The following MICAL1 variants were observed in gnomAD, a reference collection of about 807,000 sequenced individuals.
MICAL1 encodes the protein microtubule associated monooxygenase, calponin and LIM domain containing 1, also known as [F-actin]-monooxygenase MICAL1.
MICAL1 carries 95 observed loss-of-function variants against 131.8 expected under a neutral mutation model. That is an observed-to-expected ratio of 0.72 (90% CI 0.61 to 0.86). The LOEUF is 0.86. MICAL1 is among the 40% of genes least tolerant of loss of function. The probability of loss-of-function intolerance (pLI) is 0.00; values close to 1 mark genes in which losing one functional copy is unlikely to be tolerated. For missense variants in MICAL1, 1,292 were observed against 1,380.6 expected (o/e 0.94, Z 1.02); for synonymous variants, 546 against 554.2 (o/e 0.99, Z 0.21).
At chr6:109,445,893 C>G (rs748009498) in intron 19 of MICAL1, 31 bp from the exon 20 acceptor site, 16 of 1,578,740 alleles carry the variant, frequency 1.0e-5, no homozygotes, top group Non-Finnish European at 1.4e-5. Flanking sequence ...GTTCTACTGC[C>G]TCCAGCGCCT....
At chr6:109,459,415 CAA>C (rs1246010479), upstream of MICAL1, among the ~76,000 whole-genome samples, 17 of 152,170 alleles carry the variant, frequency 1.1e-4, no homozygotes, top group East Asian at 1.9e-4. Context: ...TGGATGGAGT[CAA>C]AAGATATTTC....
intron 18 of MICAL1, 137 bp from the exon 19 acceptor site, chr6:109,446,549 A>T: frequency 7.3e-7 from 1 of 1,364,080 alleles, no homozygotes; most frequent in South Asian, 1.2e-5. Flanking sequence ...AGAGAACAAG[A>T]AGTGTAAGCA....
chr6:109,452,651 A>G, intron 4 of MICAL1, 36 bp from the exon 5 acceptor site: 2 of 1,527,536 alleles, frequency 1.3e-6, no homozygotes, highest in South Asian at 2.3e-5. Flanking sequence ...AAAGGTGTAG[A>G]AGTCGTAAGA....
intron 1 of MICAL1, among the ~76,000 whole-genome samples, chr6:109,461,249 T>G (rs141134654): frequency 1.3e-5 from 2 of 152,304 alleles, no homozygotes; most frequent in African/African-American, 4.8e-5. Flanking sequence ...AATGATGATT[T>G]CCAGTTTCAT....
rs965396267 is a variant in MICAL1 at position 109,455,638 on chromosome 6, C to T, written c.-44+81G>A. On this transcript the variant is annotated intron_variant, in intron 1 of 24. Transcript: ENST00000358807. The surrounding 1 kb of genome is among the most constrained non-coding windows in gnomAD (Gnocchi z 4.7). Reference sequence around the variant, plus strand: ...GCCAGGCGTGGTTCCCGAGCGACCGCAGCTGCGTTTCCCCGGAAGCGCACC... The same window carrying T: ...GCCAGGCGTGGTTCCCGAGCGACCGTAGCTGCGTTTCCCCGGAAGCGCACC... The T allele has an allele frequency of 1.4e-5, 13 of 910,364 alleles. No homozygotes were observed. The highest frequency in any genetic ancestry group is 1.7e-5 in the Non-Finnish European group (13 of 761,090). The allele number at this position is 910,364 out of a possible 1,614,324, so 56.4% of individuals were successfully genotyped here. A position where few individuals can be genotyped will look rare whatever the true frequency, so the allele number is the denominator to read the frequency against.
intron 24 of MICAL1, 113 bp downstream of exon 24, chr6:109,444,612 T>A: frequency 7.6e-7 from 1 of 1,319,888 alleles, no homozygotes; most frequent in Non-Finnish European, 1.1e-6. Context: ...CCTCCTGAAT[T>A]GTCTCAGAGG....
At position 109,444,984 on chromosome 6, in the gene MICAL1, G is replaced by T. The variant is rs1342006133; in HGVS notation, c.2893C>A (p.Gln965Lys). The T allele has an allele frequency of 1.2e-6, 2 of 1,613,834 alleles. No homozygotes were observed. The highest frequency in any genetic ancestry group is 1.7e-6 in the Non-Finnish European group (2 of 1,180,046). ...TGTCCTACCCATAGTTTCTTTTGCTGTTCTGGGGAACCTGAGAAGAAGGAA... is the reference window on the plus strand; with the variant it reads ...TGTCCTACCCATAGTTTCTTTTGCTTTTCTGGGGAACCTGAGAAGAAGGAA... Reference protein sequence around the residue: ...ALRRQSSSPEQQKKLWVGQLL... With the variant: ...ALRRQSSSPEKQKKLWVGQLL... The change falls in exon 23 of 25, where the codon CAG (glutamine) becomes AAG (lysine). Residue 965 changes from glutamine to lysine, a missense_variant. Coordinates refer to ENST00000358807, the MANE Select transcript of MICAL1 (RefSeq NM_022765.4).
chr6:109,446,065 A>T (rs542545805), intron 19 of MICAL1, 71 bp downstream of exon 19: 271 of 1,505,120 alleles, frequency 1.8e-4, no homozygotes, highest in Middle Eastern at 1.5e-3. Context: ...ATTCCCCAGA[A>T]TTCCTCTGCA....
Position 109,449,313 on chromosome 6 carries a change from T to C in MICAL1, c.1516+87A>G, listed in dbSNP as rs768014427. The C allele has an allele frequency of 5.7e-6, 8 of 1,409,156 alleles. No homozygotes were observed. In the South Asian group the frequency reaches 9.2e-5, roughly 16 times the overall value. The allele number at this position is 1,409,156 out of a possible 1,614,324, so 87.3% of individuals were successfully genotyped here. On this transcript the variant is annotated intron_variant, in intron 11 of 24. Transcript: ENST00000358807. The stretch of plus-strand genomic sequence containing the variant: ...GTGCTCCGGCACGCTGCTCCTGTCC[T>C]GAGGCTGCAGCTGCTTTGCAGGGAC...
At chr6:109,447,604 G>A in intron 15 of MICAL1, 77 bp downstream of exon 15, 1 of 1,603,218 alleles carries the variant, frequency 6.2e-7, no homozygotes, top group Non-Finnish European at 8.5e-7. Context: ...GACATGGGAT[G>A]AGAAATAGGG....
intron 20 of MICAL1, 36 bp downstream of exon 20, chr6:109,445,735 G>T: frequency 6.3e-7 from 1 of 1,593,400 alleles, no homozygotes; most frequent in Non-Finnish European, 8.6e-7. Context: ...GTAGTGGGCT[G>T]GAGAGCGTTT....
upstream of MICAL1, among the ~76,000 whole-genome samples, chr6:109,457,074 T>A (rs1775771181): frequency 6.6e-6 from 1 of 151,738 alleles, no homozygotes; most frequent in Non-Finnish European, 1.5e-5. Flanking sequence ...CCTCTCCCTT[T>A]ATTCTCATTT....
At position 109,444,795 on chromosome 6, in the gene MICAL1, C is replaced by T; in HGVS notation, c.2985G>A (p.Val995=). Residue 995 remains valine, a synonymous_variant, in exon 24 of 25, where the codon GTG becomes GTA. Transcript: ENST00000358807. ...VAEEAELMIT[V]QELNLEEKQW... is the part of the protein sequence containing the mutation. ...GTTTCTCCTCCAGATTCAATTCCTG[C>T]ACCCTGTGGAGGTCAGGGATTGTAG... The T allele has an allele frequency of 6.2e-7, 1 of 1,614,198 alleles. No individual in the cohort carries two copies.
intron 3 of MICAL1, 135 bp downstream of exon 3, chr6:109,453,503 G>A (rs915189040): frequency 8.0e-6 from 12 of 1,491,438 alleles, no homozygotes; most frequent in Non-Finnish European, 9.9e-6. Flanking sequence ...TATAGATGGG[G>A]GACCTGAATC....
At chr6:109,445,645 G>C in intron 20 of MICAL1, 116 bp from the exon 21 acceptor site, 1 of 1,502,422 alleles carries the variant, frequency 6.7e-7, no homozygotes. Flanking sequence ...TGGTAGAAAA[G>C]GTAGAGGCCA....
At chr6:109,448,026 A>T (rs554811709) in intron 13 of MICAL1, 63 bp from the exon 14 acceptor site, 65 of 1,407,378 alleles carry the variant, frequency 4.6e-5, no homozygotes, top group Admixed American at 9.3e-5. Context: ...CTCAGAACAG[A>T]CAGTCACTCT....
rs1260852804 is a variant in MICAL1, at chr6:109,445,919, CAA to C, written c.2582-59_2582-58del. 1.3e-5 allele frequency: 20 copies of C among 1,562,516 alleles called. No homozygotes were observed. The African/African-American group carries it at 1.4e-4, about 11-fold the overall frequency. On this transcript the variant is annotated intron_variant, in intron 19 of 24. Coordinates refer to ENST00000358807, the MANE Select transcript of MICAL1 (RefSeq NM_022765.4). Reference sequence around the variant, plus strand: ...TCCAGCGCCTGCCCCAGTCAGGCAACAAAGAGCATGGTGGTGACGGAGGCCCT... The same window carrying C: ...TCCAGCGCCTGCCCCAGTCAGGCAACAGAGCATGGTGGTGACGGAGGCCCT...
At chr6:109,446,661 A>G in intron 18 of MICAL1, 35 bp downstream of exon 18, 5 of 1,602,710 alleles carry the variant, frequency 3.1e-6, no homozygotes, top group South Asian at 1.1e-5. Context: ...TCCTCTTCCC[A>G]TGCCCCAATA....
Position 109,455,599 on chromosome 6 carries a change from G to T in MICAL1, c.-44+120C>A. 1.5e-6 allele frequency: 1 copy of T among 650,524 alleles called. No homozygotes were observed. Among genetic ancestry groups the T allele is most frequent in the Non-Finnish European group, 1.9e-6 (1 of 523,174 alleles). 40.3% of individuals were successfully genotyped at this position (650,524 alleles called of 1,614,324 possible). A position where few individuals can be genotyped will look rare whatever the true frequency, so the allele number is the denominator to read the frequency against. On this transcript the variant is annotated intron_variant, in intron 1 of 24. Coordinates refer to ENST00000358807, the MANE Select transcript of MICAL1 (RefSeq NM_022765.4). This position sits in a 1 kb window ranked among gnomAD's most constrained non-coding sequence, Gnocchi z 4.7. Reference sequence around the variant, plus strand: ...CGTGAGCAGGGCTGGGCTGAGGGAAGACCTGCCTGACCTGCCAGGCGTGGT... The same window carrying T: ...CGTGAGCAGGGCTGGGCTGAGGGAATACCTGCCTGACCTGCCAGGCGTGGT...
Sources: gnomAD v4.1 joint callset for allele counts (sites outside exome capture counted in the v4.1 genomes callset) on GRCh38, gnomAD v4.1.1 for gene constraint, Gnocchi (gnomAD v3.1) non-coding constraint, MANE v1.5 for transcripts, NCBI Gene and HGNC (gene_info 2026-07-23, HGNC 2026-07-21) for gene names.